Variants in ZFPM2 observed in about 807,000 individuals in gnomAD.
The protein encoded by ZFPM2 is zinc finger protein, FOG family member 2, also known as zinc finger protein ZFPM2.
ZFPM2 carries 20 observed loss-of-function variants against 98.6 expected under a neutral mutation model. That is an observed-to-expected ratio of 0.20 (90% CI 0.14 to 0.29). The LOEUF is 0.29. Ranked by LOEUF, ZFPM2 falls within the 10% of genes least tolerant of loss-of-function variation. ZFPM2 has a pLI of 1.00. For missense variants in ZFPM2, 1,310 were observed against 1,388.6 expected, an observed-to-expected ratio of 0.94 and a Z score of 0.90; for synonymous variants, 518 against 502.7, an observed-to-expected ratio of 1.03 and a Z score of -0.41.
At chr8:105,507,228 C>T (rs893655737) in intron 3 of ZFPM2, among the ~76,000 whole-genome samples, 1 of 152,140 alleles carries the variant, frequency 6.6e-6, no homozygotes, top group African/African-American at 2.4e-5. Context: ...TGTCTTAACA[C>T]GTGTCATGTG....
intron 4 of ZFPM2, among the ~76,000 whole-genome samples, chr8:105,631,853 A>G (rs532127933): frequency 2.6e-5 from 4 of 152,294 alleles, no homozygotes; most frequent in African/African-American, 7.2e-5. Context: ...TCTATTTTTT[A>G]TATTATCTAT....
chr8:105,634,009 C>T (rs1029757322), intron 4 of ZFPM2, among the ~76,000 whole-genome samples: 12 of 137,526 alleles, frequency 8.7e-5, no homozygotes, highest in African/African-American at 3.1e-4. Flanking sequence ...GATTCAGTAT[C>T]ATTTAGGAAA....
chr8:105,416,867 C>T (rs1481119221), intron 1 of ZFPM2, among the ~76,000 whole-genome samples: 2 of 152,050 alleles, frequency 1.3e-5, no homozygotes, highest in African/African-American at 4.8e-5. Flanking sequence ...TCATAAGCAT[C>T]TATGAATAAA....
intron 5 of ZFPM2, among the ~76,000 whole-genome samples, chr8:105,647,529 C>T (rs1304534103): frequency 1.3e-5 from 2 of 149,218 alleles, no homozygotes; most frequent in African/African-American, 4.9e-5. Flanking sequence ...CCTCCCGCCC[C>T]CCCCCACCCC....
intron 2 of ZFPM2, 38 bp from the exon 3 acceptor site, chr8:105,444,242 G>T: frequency 1.3e-6 from 2 of 1,511,916 alleles, no homozygotes; most frequent in Non-Finnish European, 1.8e-6. Flanking sequence ...AGAGAGCTTT[G>T]CTCATTTTCT....
chr8:105,345,303 C>G (rs563352385), intron 1 of ZFPM2, among the ~76,000 whole-genome samples: 1 of 152,080 alleles, frequency 6.6e-6, no homozygotes, highest in South Asian at 2.1e-4. Flanking sequence ...GCATCTTTGA[C>G]AAACTTCTTA....
At chr8:105,349,122 G>A (rs1812594967) in intron 1 of ZFPM2, among the ~76,000 whole-genome samples, 1 of 152,006 alleles carries the variant, frequency 6.6e-6, no homozygotes, top group Admixed American at 6.6e-5. Flanking sequence ...TGGTAGACAT[G>A]CAAAATCTGT....
chr8:105,587,384 G>A (rs72673757), intron 4 of ZFPM2, among the ~76,000 whole-genome samples: 69 of 150,872 alleles, frequency 4.6e-4, no homozygotes, highest in Non-Finnish European at 8.6e-4. Flanking sequence ...TAAAATAAAC[G>A]ACTGCTTCTG....
chr8:105,426,678 T>A (rs960201372), intron 2 of ZFPM2, among the ~76,000 whole-genome samples: 4 of 152,132 alleles, frequency 2.6e-5, no homozygotes, highest in African/African-American at 9.7e-5. Flanking sequence ...GCCGGGGCGG[T>A]GGCTCACACC....
At chr8:105,360,327 ACT>A (rs1812832175) in intron 1 of ZFPM2, among the ~76,000 whole-genome samples, 1 of 152,066 alleles carries the variant, frequency 6.6e-6, no homozygotes, top group African/African-American at 2.4e-5. Flanking sequence ...TTGTTTAAAA[ACT>A]CATTTTTATT....
intron 1 of ZFPM2, among the ~76,000 whole-genome samples, chr8:105,374,820 T>C (rs1810691522): frequency 1.3e-5 from 2 of 151,750 alleles, no homozygotes; most frequent in Non-Finnish European, 2.9e-5. Flanking sequence ...TGGATCAGAG[T>C]CCAAGATAAC....
In ZFPM2 at chr8:105,801,396, G is replaced by A; in HGVS notation, c.1314G>A (p.Leu438=). Residue 438 remains leucine (L), a synonymous_variant, in exon 8 of 8, where the codon CTG becomes CTA. Coordinates refer to ENST00000407775, the MANE Select transcript of ZFPM2 (RefSeq NM_012082.4). ...QTKDASSDTE[L]DKCEKKTQLF... ...AAGATGCGAGCTCTGACACAGAGCTGGACAAGTGTGAGAAAAAGACTCAGC... is the reference window on the plus strand; with the variant it reads ...AAGATGCGAGCTCTGACACAGAGCTAGACAAGTGTGAGAAAAAGACTCAGC... The A allele has an allele frequency of 6.2e-7, 1 of 1,613,832 alleles. No individual in the cohort carries two copies. Among genetic ancestry groups the A allele is most frequent in the Non-Finnish European group, 8.5e-7 (1 of 1,179,846 alleles).
At chr8:105,374,751 A>G (rs1174720800) in intron 1 of ZFPM2, among the ~76,000 whole-genome samples, 1 of 152,200 alleles carries the variant, frequency 6.6e-6, no homozygotes, top group African/African-American at 2.4e-5. Flanking sequence ...ATAGGAACAT[A>G]GGGCAGGTAG....
chr8:105,484,579 A>G (rs1276173436), intron 3 of ZFPM2, among the ~76,000 whole-genome samples: 1 of 152,184 alleles, frequency 6.6e-6, no homozygotes, highest in Non-Finnish European at 1.5e-5. Flanking sequence ...TCATTTACTC[A>G]TTGAGTTACT....
chr8:105,417,942 C>A (rs1362206749), intron 1 of ZFPM2, among the ~76,000 whole-genome samples: 1 of 151,912 alleles, frequency 6.6e-6, no homozygotes, highest in East Asian at 1.9e-4. Flanking sequence ...GTTGGATGTC[C>A]CTTCATTTAA....
chr8:105,376,464 C>G (rs2129842537), intron 1 of ZFPM2, among the ~76,000 whole-genome samples: 1 of 152,182 alleles, frequency 6.6e-6, no homozygotes, highest in South Asian at 2.1e-4. Flanking sequence ...GACTTGAATT[C>G]TCCCTGGACC....
intron 5 of ZFPM2, among the ~76,000 whole-genome samples, chr8:105,669,531 T>TGTGC (rs1034161975): frequency 6.2e-5 from 8 of 129,326 alleles, no homozygotes; most frequent in African/African-American, 2.1e-4. Context: ...AAGCTGAAAG[T>TGTGC]GTGCATGTGT....
chr8:105,739,013 A>T (rs1812153537), intron 5 of ZFPM2, among the ~76,000 whole-genome samples: 1 of 152,018 alleles, frequency 6.6e-6, no homozygotes, highest in Admixed American at 6.6e-5. Flanking sequence ...CCCAACTCAC[A>T]CCGGATTAGA....
intron 2 of ZFPM2, among the ~76,000 whole-genome samples, chr8:105,441,950 C>G (rs1812259883): frequency 1.3e-5 from 2 of 152,026 alleles, no homozygotes; most frequent in South Asian, 4.1e-4. Flanking sequence ...AAGATAAACC[C>G]TTTTTTGTTC....
Sources: allele counts gnomAD v4.1 joint callset (sites outside exome capture counted in the v4.1 genomes callset), GRCh38; gene constraint gnomAD v4.1.1; transcripts MANE v1.5; gene names NCBI Gene and HGNC (gene_info 2026-07-23, HGNC 2026-07-21).